The following DMRT1 variants were observed in gnomAD, a reference collection of about 807,000 sequenced individuals.
DMRT1 encodes doublesex- and mab-3-related transcription factor 1.
DMRT1 carries 7 observed loss-of-function variants against 32.3 expected under a neutral mutation model. The ratio of observed to expected loss-of-function variants is 0.22; its 90% CI spans 0.12 to 0.41. The LOEUF (loss-of-function observed/expected upper bound fraction) is 0.41. DMRT1 is among the 10% of genes least tolerant of loss of function. The probability of loss-of-function intolerance (pLI) is 1.00; values close to 1 mark genes in which losing one functional copy is unlikely to be tolerated. For synonymous variants in DMRT1, 278 were observed against 206.1 expected, an observed-to-expected ratio of 1.35 and a Z score of -2.99; for missense variants, 625 against 500.5, an observed-to-expected ratio of 1.25 and a Z score of -2.37.
intron 4 of DMRT1, among the ~76,000 whole-genome samples, chr9:961,426 C>T (rs1327538890): frequency 1.3e-5 from 2 of 152,200 alleles, no homozygotes; most frequent in African/African-American, 2.4e-5. Context: ...TCAAAAACCA[C>T]AGATTCTTCC....
At chr9:958,113 T>A (rs1481128875) in intron 4 of DMRT1, among the ~76,000 whole-genome samples, 1 of 152,232 alleles carries the variant, frequency 6.6e-6, no homozygotes, top group East Asian at 1.9e-4. Context: ...CATAGTATGA[T>A]AAGCCAACAT....
chr9:847,747 A>G (rs959512383), intron 2 of DMRT1, among the ~76,000 whole-genome samples: 1 of 152,246 alleles, frequency 6.6e-6, no homozygotes, highest in African/African-American at 2.4e-5. Flanking sequence ...TCAATACTCA[A>G]TGTGCTTACT....
chr9:946,602 C>T (rs750817343), intron 4 of DMRT1, among the ~76,000 whole-genome samples: 11 of 152,306 alleles, frequency 7.2e-5, no homozygotes, highest in South Asian at 6.2e-4. Flanking sequence ...CACATAAAAA[C>T]GCTGGCTTTT....
chr9:881,601 TTTAAG>T (rs1247812318), intron 2 of DMRT1, among the ~76,000 whole-genome samples: 1 of 152,184 alleles, frequency 6.6e-6, no homozygotes, highest in Non-Finnish European at 1.5e-5. Context: ...GCTTCTCCAT[TTTAAG>T]TTGTTTGATT....
chr9:925,095 C>T (rs1325776937), intron 4 of DMRT1, among the ~76,000 whole-genome samples: 1 of 152,162 alleles, frequency 6.6e-6, no homozygotes, highest in East Asian at 1.9e-4. Flanking sequence ...GGATAAGGTC[C>T]ATTCACTGCA....
At chr9:875,238 C>T (rs902387121) in intron 2 of DMRT1, among the ~76,000 whole-genome samples, 31 of 152,084 alleles carry the variant, frequency 2.0e-4, no homozygotes, top group African/African-American at 6.8e-4. Context: ...GTATTGTTTC[C>T]GTGGTGGAAT....
chr9:875,560 G>A (rs1816461319), intron 2 of DMRT1, among the ~76,000 whole-genome samples: 1 of 152,172 alleles, frequency 6.6e-6, no homozygotes, highest in African/African-American at 2.4e-5. Context: ...GTACAATGAA[G>A]ATCACCAAAT....
chr9:908,792 T>G (rs1368330760), intron 3 of DMRT1, among the ~76,000 whole-genome samples: 1 of 152,196 alleles, frequency 6.6e-6, no homozygotes. Flanking sequence ...CTCTCTGCCC[T>G]GTTGTGTGAG....
intron 2 of DMRT1, among the ~76,000 whole-genome samples, chr9:865,792 C>G (rs914209261): frequency 3.9e-5 from 6 of 152,158 alleles, no homozygotes; most frequent in African/African-American, 1.2e-4. Context: ...ATTTCCCCTT[C>G]TTTTCATGAC....
At chr9:930,902 T>C (rs1035054299) in intron 4 of DMRT1, among the ~76,000 whole-genome samples, 4 of 152,212 alleles carry the variant, frequency 2.6e-5, no homozygotes, top group Non-Finnish European at 1.5e-5. Context: ...ATTCATCCTT[T>C]TAAAATGTAT....
intron 2 of DMRT1, among the ~76,000 whole-genome samples, chr9:851,425 G>C (rs530020687): frequency 9.5e-5 from 14 of 147,546 alleles, no homozygotes; most frequent in African/African-American, 3.2e-4. Flanking sequence ...TTTTAGTAGA[G>C]ACAGAGTTTC....
intron 3 of DMRT1, among the ~76,000 whole-genome samples, chr9:900,008 C>T (rs1475344547): frequency 1.3e-5 from 2 of 152,210 alleles, no homozygotes; most frequent in Non-Finnish European, 2.9e-5. Flanking sequence ...GACGATAAGG[C>T]ACCTCGAAGG....
At chr9:910,037 A>G (rs1324576727) in intron 3 of DMRT1, among the ~76,000 whole-genome samples, 2 of 152,202 alleles carry the variant, frequency 1.3e-5, no homozygotes, top group Non-Finnish European at 2.9e-5. Context: ...ATTTGTTTAA[A>G]TATCAGTTTG....
chr9:908,035 T>C (rs781179559), intron 3 of DMRT1, among the ~76,000 whole-genome samples: 1 of 152,208 alleles, frequency 6.6e-6, no homozygotes, highest in Non-Finnish European at 1.5e-5. Flanking sequence ...TAATTTGGCC[T>C]TTGTAAAATG....
intron 4 of DMRT1, among the ~76,000 whole-genome samples, chr9:967,034 A>G (rs1180905628): frequency 6.6e-6 from 1 of 152,226 alleles, no homozygotes; most frequent in Non-Finnish European, 1.5e-5. Context: ...AGTATTAACG[A>G]TTGGCCATTT....
intron 4 of DMRT1, among the ~76,000 whole-genome samples, chr9:936,487 C>T (rs1250410231): frequency 1.3e-5 from 2 of 152,126 alleles, no homozygotes; most frequent in South Asian, 2.1e-4. Flanking sequence ...TGTGGTGGCT[C>T]ATGCCTGTAA....
chr9:885,583 T>TCCAA (rs1463859158), intron 2 of DMRT1, among the ~76,000 whole-genome samples: 1 of 152,190 alleles, frequency 6.6e-6, no homozygotes, highest in East Asian at 1.9e-4. Context: ...CTTGCCTTCT[T>TCCAA]CCACCAATCT....
At chr9:930,887 A>G (rs767494159) in intron 4 of DMRT1, among the ~76,000 whole-genome samples, 3 of 152,176 alleles carry the variant, frequency 2.0e-5, no homozygotes, top group Non-Finnish European at 4.4e-5. Flanking sequence ...CTCATATACC[A>G]TAAAATTCAT....
chr9:949,473 A>C (rs1269611910), intron 4 of DMRT1, among the ~76,000 whole-genome samples: 1 of 152,188 alleles, frequency 6.6e-6, no homozygotes. Context: ...TTTGGAGATA[A>C]GTATACACCC....
Sources: gnomAD v4.1 joint callset for allele counts (sites outside exome capture counted in the v4.1 genomes callset) on GRCh38, gnomAD v4.1.1 for gene constraint, MANE v1.5 for transcripts, NCBI Gene and HGNC (gene_info 2026-07-23, HGNC 2026-07-21) for gene names.